The following ECRG4 variants were observed in gnomAD, a reference collection of about 807,000 sequenced individuals.
ECRG4 encodes the protein ECRG4 augurin precursor, also known as augurin.
ECRG4 carries 18 observed loss-of-function variants against 15.8 expected under a neutral mutation model. That is an observed-to-expected ratio of 1.14 (90% CI 0.79 to 1.69). The LOEUF (loss-of-function observed/expected upper bound fraction) is 1.69, where lower values mean the gene tolerates loss of function less well. Ranked by LOEUF, ECRG4 falls within the 40% of genes most tolerant of loss-of-function variation. ECRG4 has a pLI of 0.00. For synonymous variants in ECRG4, 82 were observed against 73.9 expected (o/e 1.11, Z -0.56); for missense variants, 200 against 190.9 (o/e 1.05, Z -0.28).
intron 2 of ECRG4, among the ~76,000 whole-genome samples, chr2:106,072,865 T>A (rs1676401365): frequency 6.6e-6 from 1 of 152,184 alleles, no homozygotes; most frequent in Admixed American, 6.5e-5. Context: ...ACAGAGCCAG[T>A]TTGTCATAGG....
At chr2:106,069,135 CTTTCTTTCTTTCTTT>C (rs1676288286) in intron 1 of ECRG4, among the ~76,000 whole-genome samples, 2 of 133,146 alleles carry the variant, frequency 1.5e-5, no homozygotes, top group African/African-American at 2.9e-5. Flanking sequence ...CTTTCTCTTT[CTTTCTTTCTTTCTTT>C]TCTTTCTTTC....
intron 2 of ECRG4, chr2:106,072,113 C>G: frequency 2.0e-6 from 1 of 508,190 alleles, no homozygotes; most frequent in Non-Finnish European, 3.5e-6. Context: ...TTTCTGAAAC[C>G]TGTCAGTGTG....
At chr2:106,075,727 A>AG (rs1676473869) in intron 3 of ECRG4, among the ~76,000 whole-genome samples, 1 of 151,950 alleles carries the variant, frequency 6.6e-6, no homozygotes, top group African/African-American at 2.4e-5. Flanking sequence ...GTCTCAAAAA[A>AG]GAAAAAAAAA....
At chr2:106,067,837 C>CTTT (rs34289824) in intron 1 of ECRG4, among the ~76,000 whole-genome samples, 2 of 141,906 alleles carry the variant, frequency 1.4e-5, no homozygotes, top group Non-Finnish European at 1.5e-5. Context: ...CACCTCCAAA[C>CTTT]TTTTTTTTTT....
rs760861596 is a variant in ECRG4, at chr2:106,074,000, A to G, written c.242A>G (p.Gln81Arg). The change falls in exon 3 of 4, where the codon CAG (glutamine) becomes CGG (arginine). Residue 81 changes from glutamine (Q) to arginine (R), a missense_variant. Physicochemically the swap from Gln to Arg is conservative, Grantham distance 43. Coordinates refer to ENST00000238044, the MANE Select transcript of ECRG4 (RefSeq NM_032411.3). ...QLWDRTRPEV[Q>R]QWYQQFLYMG... ...TGGGACCGGACTCGGCCCGAGGTGC[A>G]GCAGTGGTACCAGCAGTTTCTCTAC... 1 of 1,613,872 alleles carries G rather than the reference A, an allele frequency of 6.2e-7. No homozygotes were observed. The highest frequency in any genetic ancestry group is 2.2e-5 in the East Asian group (1 of 44,890).
upstream of ECRG4, chr2:106,065,682 G>T (rs992321236): frequency 9.0e-6 from 10 of 1,106,360 alleles, no homozygotes; most frequent in Middle Eastern, 3.0e-4. Flanking sequence ...GCGCCTGCCC[G>T]CTCGCACCCC....
At chr2:106,069,923 C>T (rs1676325967) in intron 1 of ECRG4, among the ~76,000 whole-genome samples, 1 of 152,070 alleles carries the variant, frequency 6.6e-6, no homozygotes, top group Non-Finnish European at 1.5e-5. Flanking sequence ...CACTATAGAC[C>T]GACTTGAGCA....
upstream of ECRG4, among the ~76,000 whole-genome samples, chr2:106,063,943 G>A (rs1457508463): frequency 2.0e-5 from 3 of 152,146 alleles, no homozygotes; most frequent in South Asian, 2.1e-4. Context: ...TTGGGGTAAG[G>A]GGGATGATCT....
chr2:106,070,416 C>G (rs966806339), intron 1 of ECRG4, among the ~76,000 whole-genome samples: 1 of 152,166 alleles, frequency 6.6e-6, no homozygotes, highest in African/African-American at 2.4e-5. Flanking sequence ...CTACAGGAGG[C>G]TAGTAGGTTA....
In ECRG4 at chr2:106,073,488, T is replaced by C. The variant is rs1032140659; in HGVS notation, c.128-398T>C. The stretch of plus-strand genomic sequence containing the variant: ...AACCCTCTTGTGTTGGCATATGCAA[T>C]GGACATGCCCGTATACCTGTGTGGC... On this transcript the variant is annotated intron_variant, in intron 2 of 3. Transcript: ENST00000238044. 9.9e-5 allele frequency among the ~76,000 whole-genome samples: 15 copies of C among 152,276 alleles called. No individual in the cohort carries two copies. The South Asian group carries it at 3.1e-3, about 32-fold the overall frequency.
At chr2:106,075,208 C>T (rs943137136) in intron 3 of ECRG4, among the ~76,000 whole-genome samples, 1 of 152,198 alleles carries the variant, frequency 6.6e-6, no homozygotes. Flanking sequence ...GTTCCTGGGG[C>T]AAGGGTGGAA....
At chr2:106,069,196 CTTT>C (rs1480200531) in intron 1 of ECRG4, among the ~76,000 whole-genome samples, 1 of 141,216 alleles carries the variant, frequency 7.1e-6, no homozygotes, top group Non-Finnish European at 1.6e-5. Flanking sequence ...TCTCTTTCTT[CTTT>C]CTTTTTTATT....
rs780855470 is a variant in ECRG4 at position 106,077,776 on chromosome 2, T to G, written c.297T>G (p.Asp99Glu). Reference protein sequence around the residue: ...YMGFDEAKFEDDITYWLNRDR... With the variant: ...YMGFDEAKFEEDITYWLNRDR... ...CTCTTTTCCTCCAGAAATTTGAAGA[T>G]GACATCACCTATTGGCTTAACAGAG... The change falls in exon 4 of 4, where the codon GAT becomes GAG. Residue 99 changes from aspartate to glutamate, a missense_variant. By Grantham distance (45) the Asp-to-Glu change is conservative. Transcript: ENST00000238044. 6.2e-7 allele frequency: 1 copy of G among 1,613,862 alleles called. No homozygotes were observed. The highest frequency in any genetic ancestry group is 8.5e-7 in the Non-Finnish European group (1 of 1,179,866).
At chr2:106,075,334 G>A (rs10191503) in intron 3 of ECRG4, among the ~76,000 whole-genome samples, 3,512 of 152,332 alleles carry the variant, frequency 0.023, 151 homozygotes, top group African/African-American at 0.077. Context: ...AAAATTAAAA[G>A]TATATGTTTG....
intron 1 of ECRG4, among the ~76,000 whole-genome samples, chr2:106,067,172 A>G (rs1676245125): frequency 1.3e-5 from 2 of 149,406 alleles, no homozygotes; most frequent in South Asian, 4.3e-4. Flanking sequence ...CGTTCCTGTA[A>G]TCCCAGCTAC....
intron 1 of ECRG4, among the ~76,000 whole-genome samples, chr2:106,066,220 C>T (rs1384396090): frequency 6.6e-6 from 1 of 152,214 alleles, no homozygotes; most frequent in Non-Finnish European, 1.5e-5. Context: ...ATGGCACCAT[C>T]ACCGCCATTC....
chr2:106,067,837 C>CT (rs34289824), intron 1 of ECRG4, among the ~76,000 whole-genome samples: 11,566 of 141,874 alleles, frequency 0.082, 709 homozygotes, highest in East Asian at 0.23. Flanking sequence ...CACCTCCAAA[C>CT]TTTTTTTTTT....
chr2:106,074,792 TAGGC>T (rs915425108), intron 3 of ECRG4, among the ~76,000 whole-genome samples: 12 of 152,220 alleles, frequency 7.9e-5, no homozygotes, highest in Admixed American at 6.5e-5. Context: ...GGGCTTTTCA[TAGGC>T]AGGACCTCCA....
intron 1 of ECRG4, among the ~76,000 whole-genome samples, chr2:106,071,218 G>A (rs979108216): frequency 2.0e-5 from 3 of 150,510 alleles, no homozygotes; most frequent in African/African-American, 4.9e-5. Context: ...GGTGACCTCC[G>A]TGGATCCTCT....
Sources: allele counts gnomAD v4.1 joint callset (sites outside exome capture counted in the v4.1 genomes callset), GRCh38; gene constraint gnomAD v4.1.1; transcripts MANE v1.5; gene names NCBI Gene and HGNC (gene_info 2026-07-23, HGNC 2026-07-21).